The following RGS6 variants were observed in gnomAD, a reference collection of about 807,000 sequenced individuals.
RGS6 encodes regulator of G protein signaling 6.
RGS6 carries 30 observed loss-of-function variants against 78.5 expected under a neutral mutation model. The ratio of observed to expected loss-of-function variants is 0.38; its 90% CI spans 0.29 to 0.52. RGS6 has a LOEUF of 0.52. RGS6 is among the 20% of genes least tolerant of loss of function. RGS6 has a pLI of 0.85. For missense variants in RGS6, 495 were observed against 609.7 expected (o/e 0.81, Z 1.98); for synonymous variants, 206 against 206.0 (o/e 1.00, Z 0.00).
chr14:72,066,951 G>A (rs1266995109), intron 2 of RGS6, among the ~76,000 whole-genome samples: 2 of 151,868 alleles, frequency 1.3e-5, no homozygotes, highest in African/African-American at 4.8e-5. Context: ...TGAGAATGAT[G>A]GTTTCCAGCT....
At chr14:72,094,692 C>CT (rs1480737612) in intron 2 of RGS6, among the ~76,000 whole-genome samples, 1 of 152,104 alleles carries the variant, frequency 6.6e-6, no homozygotes, top group African/African-American at 2.4e-5. Context: ...TAACTCCTCT[C>CT]TTTTTTACAG....
chr14:72,295,290 CAAA>C (rs67921203), intron 2 of RGS6, among the ~76,000 whole-genome samples: 37 of 91,656 alleles, frequency 4.0e-4, no homozygotes, highest in African/African-American at 1.0e-3. Context: ...GACTCCGTCT[CAAA>C]AAAAAAAAAA....
intron 2 of RGS6, among the ~76,000 whole-genome samples, chr14:72,210,813 T>C (rs527381460): frequency 2.6e-4 from 39 of 152,300 alleles, no homozygotes; most frequent in Non-Finnish European, 4.1e-4. Flanking sequence ...TACCAGTTTT[T>C]TTGTTTTTGT....
intron 13 of RGS6, among the ~76,000 whole-genome samples, chr14:72,498,161 C>A (rs1400866446): frequency 6.6e-6 from 1 of 152,132 alleles, no homozygotes; most frequent in East Asian, 1.9e-4. Flanking sequence ...TTGGACTGTT[C>A]TTTTCTTAGT....
At chr14:72,547,150 T>C in intron 17 of RGS6, 1 of 1,533,466 alleles carries the variant, frequency 6.5e-7, no homozygotes, top group Non-Finnish European at 8.7e-7. Context: ...TGCCCGCCTC[T>C]GCCTAGGACA....
the RGS6 span, among the ~76,000 whole-genome samples, chr14:71,897,751 C>T: frequency 6.6e-6 from 1 of 152,056 alleles, no homozygotes. Flanking sequence ...GATCTCTTGA[C>T]CTCATGATCC....
At chr14:72,505,591 G>A (rs561752160) in intron 13 of RGS6, among the ~76,000 whole-genome samples, 1 of 152,304 alleles carries the variant, frequency 6.6e-6, no homozygotes, top group African/African-American at 2.4e-5. Context: ...CCAAGTCTTA[G>A]TTTAGATATT....
At chr14:72,620,137 C>T in the RGS6 span, among the ~76,000 whole-genome samples, 9 of 152,258 alleles carry the variant, frequency 5.9e-5, no homozygotes, top group East Asian at 9.7e-4. Flanking sequence ...CCCCTGAACA[C>T]GCCTGTGCTT....
chr14:72,292,901 C>G lies in RGS6; in HGVS notation c.85-59194C>G, dbSNP rs372000596. Among the ~76,000 whole-genome samples the G allele has an allele frequency of 6.6e-5, 10 of 152,318 alleles. No homozygotes were observed. In the East Asian group the frequency reaches 1.3e-3, roughly 21 times the overall value. ...TTGACATGGGCTGATGGATTAAGAA[C>G]AATGTTACATTTTCTGAACGCATCA... On this transcript the variant is annotated intron_variant, in intron 2 of 17. Transcript: ENST00000553525.
At chr14:72,404,555 A>G (rs1042392222) in intron 3 of RGS6, among the ~76,000 whole-genome samples, 3 of 152,246 alleles carry the variant, frequency 2.0e-5, no homozygotes, top group Admixed American at 6.5e-5. Context: ...GCAGCCCTGC[A>G]TGCTTCAAGA....
intron 1 of RGS6, among the ~76,000 whole-genome samples, chr14:71,955,148 C>T (rs538846903): frequency 4.3e-4 from 65 of 152,290 alleles, no homozygotes; most frequent in African/African-American, 1.4e-3. Flanking sequence ...TTTGTCTCCT[C>T]TCTTGACTTT....
chr14:72,116,596 G>T (rs1597841503), intron 2 of RGS6, among the ~76,000 whole-genome samples: 2 of 151,954 alleles, frequency 1.3e-5, no homozygotes, highest in Admixed American at 1.3e-4. Context: ...ATCATCCTCA[G>T]TTGAGAACCT....
chr14:72,141,261 T>C (rs529766415), intron 2 of RGS6, among the ~76,000 whole-genome samples: 85 of 152,186 alleles, frequency 5.6e-4, no homozygotes, highest in Non-Finnish European at 1.1e-3. Flanking sequence ...AGGTCTTTAG[T>C]GCCCCAATCC....
intron 6 of RGS6, among the ~76,000 whole-genome samples, chr14:72,464,879 G>T (rs756738134): frequency 6.6e-6 from 1 of 152,182 alleles, no homozygotes; most frequent in Non-Finnish European, 1.5e-5. Context: ...CTAGCAACAG[G>T]GATGAAAGCT....
intron 2 of RGS6, among the ~76,000 whole-genome samples, chr14:72,078,917 A>T (rs1290562011): frequency 6.6e-6 from 1 of 151,916 alleles, no homozygotes; most frequent in Non-Finnish European, 1.5e-5. Flanking sequence ...TTCTCCTTCT[A>T]TACTTGTACT....
chr14:72,084,482 G>A (rs1349578350), intron 2 of RGS6, among the ~76,000 whole-genome samples: 1 of 152,192 alleles, frequency 6.6e-6, no homozygotes, highest in Non-Finnish European at 1.5e-5. Flanking sequence ...ACTTTGAAAA[G>A]TTGTTGGACT....
chr14:72,314,179 TGTTCGGG>T (rs2069404225), intron 2 of RGS6, among the ~76,000 whole-genome samples: 1 of 152,152 alleles, frequency 6.6e-6, no homozygotes, highest in South Asian at 2.1e-4. Context: ...ACAGTGTCTG[TGTTCGGG>T]GTTGGAAGTT....
At chr14:72,323,658 T>A (rs1440740384) in intron 2 of RGS6, among the ~76,000 whole-genome samples, 1 of 151,198 alleles carries the variant, frequency 6.6e-6, no homozygotes, top group East Asian at 1.9e-4. Flanking sequence ...AAATATTAGC[T>A]GGGTGTGGTA....
chr14:72,380,944 C>T (rs1018131881), intron 3 of RGS6, among the ~76,000 whole-genome samples: 7 of 151,742 alleles, frequency 4.6e-5, no homozygotes, highest in Admixed American at 3.3e-4. Context: ...GATGGATGAA[C>T]AAAGAAAATG....
Sources: allele counts gnomAD v4.1 joint callset (sites outside exome capture counted in the v4.1 genomes callset), GRCh38; gene constraint gnomAD v4.1.1; transcripts MANE v1.5; gene names NCBI Gene and HGNC (gene_info 2026-07-23, HGNC 2026-07-21).